ARHGAP26: variants seen among roughly 807,000 people sequenced by gnomAD.
The protein encoded by ARHGAP26 is rho GTPase-activating protein 26.
A neutral mutation model predicts 104.8 loss-of-function variants in ARHGAP26; 38 were observed. That is an observed-to-expected ratio of 0.36 (90% CI 0.28 to 0.48). The LOEUF is 0.48. Among genes scored for constraint, ARHGAP26 ranks in the 20% least tolerant of loss-of-function variants. The pLI is 0.99. For synonymous variants in ARHGAP26, 341 were observed against 340.0 expected, an observed-to-expected ratio of 1.00 and a Z score of -0.03; for missense variants, 704 against 947.9, an observed-to-expected ratio of 0.74 and a Z score of 3.38.
chr5:143,099,374 G>T (rs1792885498), intron 17 of ARHGAP26, among the ~76,000 whole-genome samples: 1 of 152,174 alleles, frequency 6.6e-6, no homozygotes, highest in Non-Finnish European at 1.5e-5. Flanking sequence ...TCAAAACCAT[G>T]TGAGAATGAG....
intron 10 of ARHGAP26, among the ~76,000 whole-genome samples, chr5:142,928,638 A>G (rs906435454): frequency 6.6e-6 from 1 of 152,168 alleles, no homozygotes; most frequent in African/African-American, 2.4e-5. Context: ...TTATCTTGCC[A>G]GCTCTGTGAT....
chr5:142,879,546 T>C (rs1756641156), intron 4 of ARHGAP26, 101 bp downstream of exon 4: 1 of 1,106,818 alleles, frequency 9.0e-7, no homozygotes, highest in Admixed American at 2.7e-5. Context: ...CTTCAGAAAA[T>C]CGAAGCCCAC....
chr5:142,892,229 A>T (rs2152426329), intron 5 of ARHGAP26, among the ~76,000 whole-genome samples: 1 of 152,040 alleles, frequency 6.6e-6, no homozygotes, highest in East Asian at 1.9e-4. Flanking sequence ...CTAGATGAGG[A>T]TGGCTCTGCA....
Position 143,120,779 on chromosome 5 carries a change from C to T in ARHGAP26, c.1539-209C>T, listed in dbSNP as rs3815199. On this transcript the variant is annotated intron_variant, in intron 17 of 22. Coordinates refer to ENST00000645722, the MANE Select transcript of ARHGAP26 (RefSeq NM_001135608.3). ...GCAAAATGGAAATGATAAAGCGTGT[C>T]ATATCCTGAAATAGCAAAATAGCCT... Among the ~76,000 whole-genome samples, 504 of 152,294 alleles carry T rather than the reference C, an allele frequency of 3.3e-3. 15 individuals carry two copies. The East Asian group carries it at 0.068, about 20-fold the overall frequency.
chr5:142,958,722 T>C (rs1769660819), intron 11 of ARHGAP26, among the ~76,000 whole-genome samples: 1 of 152,056 alleles, frequency 6.6e-6, no homozygotes, highest in South Asian at 2.1e-4. Context: ...TTAACTATTG[T>C]GACCTTGAGA....
intron 11 of ARHGAP26, among the ~76,000 whole-genome samples, chr5:142,947,673 G>A (rs545130717): frequency 6.6e-6 from 1 of 152,264 alleles, no homozygotes; most frequent in East Asian, 1.9e-4. Flanking sequence ...GTGGTTTTCT[G>A]TTAACTAGTC....
At chr5:142,952,875 A>AT (rs1472266754) in intron 11 of ARHGAP26, among the ~76,000 whole-genome samples, 4 of 151,686 alleles carry the variant, frequency 2.6e-5, no homozygotes, top group Admixed American at 2.6e-4. Flanking sequence ...CACCTGGCTA[A>AT]TTTTTTTGTA....
At chr5:143,021,714 G>A (rs1027236554) in intron 12 of ARHGAP26, among the ~76,000 whole-genome samples, 7 of 152,172 alleles carry the variant, frequency 4.6e-5, no homozygotes, top group Admixed American at 1.3e-4. Context: ...CAGCACATTA[G>A]TATCTGCACA....
At chr5:143,142,433 C>T (rs1798667956) in intron 19 of ARHGAP26, among the ~76,000 whole-genome samples, 1 of 152,052 alleles carries the variant, frequency 6.6e-6, no homozygotes, top group Non-Finnish European at 1.5e-5. Flanking sequence ...AGCCACTGCG[C>T]CCGGCCTACT....
intron 4 of ARHGAP26, 47 bp downstream of exon 4, chr5:142,879,492 G>A: frequency 2.0e-6 from 3 of 1,489,598 alleles, no homozygotes; most frequent in Non-Finnish European, 2.8e-6. Flanking sequence ...TGAGAGGTCT[G>A]GAAAACATAG....
At chr5:142,782,781 G>A (rs912165228) in intron 1 of ARHGAP26, among the ~76,000 whole-genome samples, 3 of 152,210 alleles carry the variant, frequency 2.0e-5, no homozygotes, top group Admixed American at 6.5e-5. Context: ...ATTGTGAGGA[G>A]CAGCTGAGAT....
In ARHGAP26 at chr5:142,770,918, G is replaced by A; in HGVS notation, c.154+3G>A. 6.2e-7 allele frequency: 1 copy of A among 1,604,310 alleles called. No individual in the cohort carries two copies. On this transcript the variant is annotated splice_donor_region_variant and intron_variant, in intron 1 of 22. Transcript: ENST00000645722. ...GTCACTCATAAGCGCGCTCAAGAGT[G>A]AGTGTCCCGAGCCCCTCGGGGACGC...
At chr5:142,897,895 G>A (rs1398130026) in intron 6 of ARHGAP26, among the ~76,000 whole-genome samples, 1 of 152,096 alleles carries the variant, frequency 6.6e-6, no homozygotes, top group Non-Finnish European at 1.5e-5. Flanking sequence ...CTTACAGGTG[G>A]GAAAGAAACC....
intron 17 of ARHGAP26, among the ~76,000 whole-genome samples, chr5:143,117,238 T>C (rs1795577594): frequency 6.6e-6 from 1 of 152,234 alleles, no homozygotes; most frequent in Non-Finnish European, 1.5e-5. Flanking sequence ...CTGTGTTTTA[T>C]AGACCTTGCT....
At chr5:142,931,646 CTT>C (rs1764735724) in intron 10 of ARHGAP26, among the ~76,000 whole-genome samples, 1 of 151,848 alleles carries the variant, frequency 6.6e-6, no homozygotes, top group Non-Finnish European at 1.5e-5. Context: ...TTTTTTTTAT[CTT>C]GAGTCCAGTA....
chr5:143,085,387 A>G (rs897276881), intron 17 of ARHGAP26, among the ~76,000 whole-genome samples: 1 of 152,180 alleles, frequency 6.6e-6, no homozygotes, highest in African/African-American at 2.4e-5. Flanking sequence ...GGTAATGTAA[A>G]GAAATTGAGA....
chr5:142,879,551 GC>G, intron 4 of ARHGAP26, 106 bp downstream of exon 4: 1 of 1,044,648 alleles, frequency 9.6e-7, no homozygotes, highest in African/African-American at 1.6e-5. Flanking sequence ...GAAAATCGAA[GC>G]CCACCTTCTT....
At chr5:142,806,658 GGAC>G (rs1340129968) in intron 1 of ARHGAP26, among the ~76,000 whole-genome samples, 2 of 152,034 alleles carry the variant, frequency 1.3e-5, no homozygotes, top group African/African-American at 4.8e-5. Context: ...AGTGATGCCT[GGAC>G]GACATCACAG....
rs140516115 is a variant in ARHGAP26, at chr5:142,843,589, G to T, written c.155-29811G>T. ...AGTGACGTATAATCCCTGTTTTTCT[G>T]CAAGGAAGCTGAGGGTTTTATGGTA... is the stretch of plus-strand genomic sequence containing the variant. On this transcript the variant is annotated intron_variant, in intron 1 of 22. Coordinates refer to ENST00000645722, the MANE Select transcript of ARHGAP26 (RefSeq NM_001135608.3). Among the ~76,000 whole-genome samples, 306 of 152,092 alleles carry T rather than the reference G, an allele frequency of 2.0e-3. 1 individual carries two copies. Among genetic ancestry groups the T allele is most frequent in the African/African-American group, 7.1e-3 (294 of 41,502 alleles).
Sources: allele counts gnomAD v4.1 joint callset (sites outside exome capture counted in the v4.1 genomes callset), GRCh38; gene constraint gnomAD v4.1.1; transcripts MANE v1.5; gene names NCBI Gene and HGNC (gene_info 2026-07-23, HGNC 2026-07-21).